NEDD4L: variants seen among roughly 807,000 people sequenced by gnomAD.
NEDD4L encodes E3 ubiquitin-protein ligase NEDD4-like.
In NEDD4L, 54 loss-of-function variants were observed where a neutral mutation model predicts 148.9. The observed-to-expected ratio is 0.36, with a 90% CI of 0.29 to 0.45. The LOEUF (loss-of-function observed/expected upper bound fraction) is 0.45. Among genes scored for constraint, NEDD4L ranks in the 20% least tolerant of loss-of-function variants. The pLI is 1.00. For synonymous variants in NEDD4L, 433 were observed against 440.7 expected, an observed-to-expected ratio of 0.98 and a Z score of 0.22; for missense variants, 856 against 1,233.8, an observed-to-expected ratio of 0.69 and a Z score of 4.59.
intron 2 of NEDD4L, among the ~76,000 whole-genome samples, chr18:58,226,450 A>G (rs1279315084): frequency 6.6e-6 from 1 of 152,186 alleles, no homozygotes; most frequent in Non-Finnish European, 1.5e-5. Flanking sequence ...TAATCCATCA[A>G]ACCAGGCCTG....
At chr18:58,370,601 A>C (rs2046731799) in intron 23 of NEDD4L, 134 bp downstream of exon 23, 2 of 685,704 alleles carry the variant, frequency 2.9e-6, no homozygotes, top group East Asian at 2.7e-5. Flanking sequence ...GAGACATTTA[A>C]TTGCTTGAAA....
At chr18:58,292,840 A>G (rs1393478856) in intron 5 of NEDD4L, among the ~76,000 whole-genome samples, 2 of 152,228 alleles carry the variant, frequency 1.3e-5, no homozygotes, top group African/African-American at 2.4e-5. Context: ...ATTACATACA[A>G]TGTCCTAAAT....
At chr18:58,272,461 C>A (rs1368910465) in intron 5 of NEDD4L, among the ~76,000 whole-genome samples, 1 of 151,982 alleles carries the variant, frequency 6.6e-6, no homozygotes, top group African/African-American at 2.4e-5. Context: ...CATGGCAAAA[C>A]CTTGTCTCTC....
chr18:58,289,252 C>T (rs557910694), intron 5 of NEDD4L, among the ~76,000 whole-genome samples: 2 of 152,268 alleles, frequency 1.3e-5, no homozygotes, highest in South Asian at 4.1e-4. Flanking sequence ...CGCTCAGTTG[C>T]ATCTTTAAAC....
intron 1 of NEDD4L, among the ~76,000 whole-genome samples, chr18:58,059,783 A>G (rs1161237556): frequency 1.3e-5 from 2 of 152,232 alleles, no homozygotes; most frequent in Non-Finnish European, 2.9e-5. Flanking sequence ...CTTCGTATGC[A>G]AACTTGGTAA....
At chr18:58,332,189 A>G (rs1042391311) in intron 11 of NEDD4L, among the ~76,000 whole-genome samples, 1 of 152,228 alleles carries the variant, frequency 6.6e-6, no homozygotes, top group African/African-American at 2.4e-5. Context: ...TAAGTTAGCA[A>G]TTCTAATTAT....
At chr18:58,082,227 C>T (rs534874795) in intron 1 of NEDD4L, among the ~76,000 whole-genome samples, 1 of 147,812 alleles carries the variant, frequency 6.8e-6, no homozygotes, top group Non-Finnish European at 1.5e-5. Context: ...CCTGCCTCAG[C>T]CTCCCAAGTA....
At chr18:58,315,770 A>G (rs2058187862) in intron 5 of NEDD4L, among the ~76,000 whole-genome samples, 1 of 152,130 alleles carries the variant, frequency 6.6e-6, no homozygotes, top group African/African-American at 2.4e-5. Flanking sequence ...TTGGTAGCAG[A>G]CACCAGACAG....
Position 58,330,726 on chromosome 18 carries a change from C to G in NEDD4L, c.814-12C>G. On this transcript the variant is annotated splice_polypyrimidine_tract_variant and intron_variant, in intron 10 of 30. Transcript: ENST00000400345. ...TTTCTAGTGTTTACCCCAGTGTCTC[C>G]TTCTCTGAAAGCCTTGGGAGACCAT... 1 of 1,551,864 alleles carries G rather than the reference C, an allele frequency of 6.4e-7. No individual in the cohort carries two copies. Among genetic ancestry groups the G allele is most frequent in the Non-Finnish European group, 8.7e-7 (1 of 1,146,366 alleles).
At chr18:58,339,391 T>C in intron 13 of NEDD4L, among the ~76,000 whole-genome samples, 1 of 152,164 alleles carries the variant, frequency 6.6e-6, no homozygotes, top group Non-Finnish European at 1.5e-5. Flanking sequence ...TGTGTTGGCA[T>C]CGCTGCTAGA....
chr18:58,048,514 T>G (rs942436661), intron 1 of NEDD4L, among the ~76,000 whole-genome samples: 6 of 152,158 alleles, frequency 3.9e-5, no homozygotes, highest in Admixed American at 3.3e-4. Flanking sequence ...ACAAGTTAAG[T>G]TATGGAGCCA....
chr18:58,192,820 C>T (rs2040256519), intron 2 of NEDD4L, among the ~76,000 whole-genome samples: 1 of 152,160 alleles, frequency 6.6e-6, no homozygotes, highest in Non-Finnish European at 1.5e-5. Context: ...TGAGCTGAGC[C>T]TGGCACTTGA....
At position 58,323,347 on chromosome 18, in the gene NEDD4L, C is replaced by T. The variant is rs1461037791; in HGVS notation, c.513+13C>T. ...GGATGACATGGAGGTACGTGGAGGGCGTCAGGCCTCTCTCCTTGCCTTGAG... is the reference window on the plus strand; with the variant it reads ...GGATGACATGGAGGTACGTGGAGGGTGTCAGGCCTCTCTCCTTGCCTTGAG... On this transcript the variant is annotated intron_variant, in intron 8 of 30. Transcript: ENST00000400345. 2.2e-6 allele frequency: 3 copies of T among 1,335,036 alleles called. No homozygotes were observed. The highest frequency in any genetic ancestry group is 1.4e-5 in the African/African-American group (1 of 69,396). The allele number at this position is 1,335,036 out of a possible 1,614,324, so 82.7% of individuals were successfully genotyped here. A position where few individuals can be genotyped will look rare whatever the true frequency, so the allele number is the denominator to read the frequency against.
At chr18:58,195,509 C>T (rs1248013579) in intron 2 of NEDD4L, 3 of 1,345,168 alleles carry the variant, frequency 2.2e-6, no homozygotes, top group Non-Finnish European at 2.9e-6. Flanking sequence ...GGTGGCTGCG[C>T]AGGGCCCTAC....
intron 2 of NEDD4L, among the ~76,000 whole-genome samples, chr18:58,208,079 A>T (rs547884449): frequency 2.0e-5 from 3 of 152,240 alleles, no homozygotes; most frequent in African/African-American, 7.2e-5. Flanking sequence ...GCAGAGTGGT[A>T]TTATTTCCTC....
At chr18:58,267,604 G>A (rs2148758140) in intron 5 of NEDD4L, among the ~76,000 whole-genome samples, 1 of 152,176 alleles carries the variant, frequency 6.6e-6, no homozygotes. Context: ...TCGGGAGTTA[G>A]TCTCCCCCTT....
chr18:58,130,931 G>C (rs1266536743), intron 1 of NEDD4L, among the ~76,000 whole-genome samples: 1 of 144,314 alleles, frequency 6.9e-6, no homozygotes. Flanking sequence ...GTGGTGTTGG[G>C]CTCTGTTGGG....
At position 58,349,533 on chromosome 18, in the gene NEDD4L, G is replaced by T. The variant is rs747092381; in HGVS notation, c.1576-4G>T. On this transcript the variant is annotated splice_region_variant and splice_polypyrimidine_tract_variant and intron_variant, in intron 16 of 30. Transcript: ENST00000400345. Reference sequence around the variant, plus strand: ...ATCTACTGTCTTTTACATTTTTCTTGCAGGAAGATCCACGTTTGAAATTTC... The same window carrying T: ...ATCTACTGTCTTTTACATTTTTCTTTCAGGAAGATCCACGTTTGAAATTTC... 5 of 1,612,818 alleles carry T rather than the reference G, an allele frequency of 3.1e-6. No individual in the cohort carries two copies. The highest frequency in any genetic ancestry group is 3.4e-6 in the Non-Finnish European group (4 of 1,178,828).
intron 1 of NEDD4L, among the ~76,000 whole-genome samples, chr18:58,141,876 C>A (rs770185406): frequency 1.3e-5 from 2 of 152,026 alleles, no homozygotes; most frequent in African/African-American, 2.4e-5. Flanking sequence ...GCATTCCCAG[C>A]TACTGTCTGA....
Sources: gnomAD v4.1 joint callset for allele counts (sites outside exome capture counted in the v4.1 genomes callset) on GRCh38, gnomAD v4.1.1 for gene constraint, MANE v1.5 for transcripts, NCBI Gene and HGNC (gene_info 2026-07-23, HGNC 2026-07-21) for gene names.